PLXNB2: variants seen among roughly 807,000 people sequenced by gnomAD.
PLXNB2 encodes plexin B2, also known as plexin-B2.
In PLXNB2, 85 loss-of-function variants were observed where a neutral mutation model predicts 202.6. The observed-to-expected ratio is 0.42, with a 90% CI of 0.35 to 0.50. The LOEUF (loss-of-function observed/expected upper bound fraction) is 0.50, where lower values mean the gene tolerates loss of function less well. Ranked by LOEUF, PLXNB2 falls within the 20% of genes least tolerant of loss-of-function variation. PLXNB2 has a pLI of 0.02. For synonymous variants in PLXNB2, 1,239 were observed against 1,137.6 expected, an observed-to-expected ratio of 1.09 and a Z score of -1.79; for missense variants, 2,063 against 2,586.2, an observed-to-expected ratio of 0.80 and a Z score of 4.39.
intron 1 of PLXNB2, among the ~76,000 whole-genome samples, chr22:50,298,893 G>A (rs917963625): frequency 1.3e-5 from 2 of 152,212 alleles, no homozygotes; most frequent in African/African-American, 4.8e-5. Context: ...CAATCCACCC[G>A]CCTTGGCCTC....
chr22:50,297,219 G>C lies in PLXNB2; in HGVS notation c.-73-2441C>G, dbSNP rs367838376. Among the ~76,000 whole-genome samples the C allele has an allele frequency of 1.6e-4, 24 of 152,266 alleles. No homozygotes were observed. In the East Asian group the frequency reaches 4.6e-3, roughly 29 times the overall value. On this transcript the variant is annotated intron_variant, in intron 1 of 36. Transcript: ENST00000359337. The surrounding 1 kb of genome is among the most constrained non-coding windows in gnomAD (Gnocchi z 5.3). ...TCTTGAAGGGACGCCACACCGGCCT[G>C]TGTGCCCCATGCCCACTCCCTGCAG...
chr22:50,307,590 CGCGCTCGGCGCT>C lies in PLXNB2; in HGVS notation c.-123_-112del. The C allele has an allele frequency of 1.0e-6, 1 of 981,340 alleles. No individual in the cohort carries two copies. The highest frequency in any genetic ancestry group is 6.3e-5 in the Admixed American group (1 of 15,996). The allele number at this position is 981,340 out of a possible 1,614,324, so 60.8% of individuals were successfully genotyped here. ...CGCCAAGGCTCGATGGCGCCCGGGC[CGCGCTCGGCGCT>C]GCGCTCTGGCCCGCGCTGCTGCCAT... On this transcript the variant is annotated 5_prime_UTR_variant, in exon 1 of 37. Transcript: ENST00000359337.
In PLXNB2 at chr22:50,283,947, C is replaced by A; in HGVS notation, c.2307G>T (p.Leu769=). ...TGTAGTCGGGGTTAGCGGCCCGGCA[C>A]AGGCTGCAGTCGCTGCGGCCAAAGG... ...NCSFGRSDCS[L]CRAANPDYRC... is the part of the protein sequence containing the mutation. Residue 769 remains leucine (L), a synonymous_variant, in exon 14 of 37, where the codon CTG becomes CTT. Transcript: ENST00000359337. 6.4e-7 allele frequency: 1 copy of A among 1,559,020 alleles called. No homozygotes were observed.
At chr22:50,292,337 CAAAAAA>C (rs533891085) in intron 2 of PLXNB2, among the ~76,000 whole-genome samples, 6 of 71,024 alleles carry the variant, frequency 8.4e-5, no homozygotes, top group African/African-American at 1.7e-4. Flanking sequence ...GACTCTGTCT[CAAAAAA>C]AAAAAAAAAA....
Position 50,289,712 on chromosome 22 carries a change from C to T in PLXNB2, c.873G>A (p.Arg291=). Residue 291 remains arginine, a synonymous_variant, in exon 3 of 37, where the codon AGG becomes AGA. Transcript: ENST00000359337. This position sits in a 1 kb window ranked among gnomAD's most constrained non-coding sequence, Gnocchi z 8.0. ...AASVAAPGSG[R]VLYAVFSRDS... Reference sequence around the variant, plus strand: ...CTCTGCTGAAGACAGCATATAGCACCCTGCCAGAGCCAGGCGCAGCCACGG... The same window carrying T: ...CTCTGCTGAAGACAGCATATAGCACTCTGCCAGAGCCAGGCGCAGCCACGG... 2 of 1,611,566 alleles carry T rather than the reference C, an allele frequency of 1.2e-6. No individual in the cohort carries two copies. The highest frequency in any genetic ancestry group is 1.7e-6 in the Non-Finnish European group (2 of 1,179,924).
chr22:50,287,050 G>C lies in PLXNB2; in HGVS notation c.1762+61C>G, dbSNP rs557836809. ...CAGGGGCCAGCAGAGGCGAGAGCCC[G>C]TGTGCACAGGGCCCCGTGCGACCGA... On this transcript the variant is annotated intron_variant, in intron 8 of 36. Transcript: ENST00000359337. The C allele has an allele frequency of 7.1e-3, 10,007 of 1,415,654 alleles. 54 individuals are homozygous for C. The highest frequency in any genetic ancestry group is 0.012 in the South Asian group (798 of 68,270). The allele number at this position is 1,415,654 out of a possible 1,614,324, so 87.7% of individuals were successfully genotyped here.
At position 50,289,411 on chromosome 22, in the gene PLXNB2, C is replaced by T; in HGVS notation, c.1068+106G>A. ...CGCAAGCGCCCAGGCTGGCGAGAGC[C>T]ACGGCCACACTGCTCACGTGCACCC... On this transcript the variant is annotated intron_variant, in intron 3 of 36. Transcript: ENST00000359337. This position sits in a 1 kb window ranked among gnomAD's most constrained non-coding sequence, Gnocchi z 8.0. 1 of 1,386,044 alleles carries T rather than the reference C, an allele frequency of 7.2e-7. No individual in the cohort carries two copies. Among genetic ancestry groups the T allele is most frequent in the South Asian group, 1.5e-5 (1 of 68,450 alleles). 85.9% of individuals were successfully genotyped at this position (1,386,044 alleles called of 1,614,324 possible).
rs1415979125 is a variant in PLXNB2, at chr22:50,289,271, C to T, written c.1069-129G>A. On this transcript the variant is annotated intron_variant, in intron 3 of 36. Transcript: ENST00000359337. The surrounding 1 kb of genome is among the most constrained non-coding windows in gnomAD (Gnocchi z 8.0). The stretch of plus-strand genomic sequence containing the variant: ...CACGTCCTACACACGTCCCCGAGAA[C>T]AGAACCCACATGGCAGGGAGCCCCA... 7.2e-6 allele frequency: 7 copies of T among 975,586 alleles called. No homozygotes were observed. Among genetic ancestry groups the T allele is most frequent in the Non-Finnish European group, 2.9e-6 (2 of 679,148 alleles). 60.4% of individuals were successfully genotyped at this position (975,586 alleles called of 1,614,324 possible).
intron 1 of PLXNB2, among the ~76,000 whole-genome samples, chr22:50,298,684 C>T (rs2067450908): frequency 6.6e-6 from 1 of 152,198 alleles, no homozygotes; most frequent in East Asian, 1.9e-4. Flanking sequence ...CTCACTCTGT[C>T]ACCCAGGCTG....
At position 50,278,285 on chromosome 22, in the gene PLXNB2, G is replaced by A. The variant is rs751765896; in HGVS notation, c.4733-14C>T. 19 of 1,610,112 alleles carry A rather than the reference G, an allele frequency of 1.2e-5. No homozygotes were observed. In the South Asian group the frequency reaches 2.1e-4, roughly 18 times the overall value. On this transcript the variant is annotated splice_polypyrimidine_tract_variant and intron_variant, in intron 30 of 36. Transcript: ENST00000359337. ...GGAGGGCATGGCCTGTGGGGAGCGG[G>A]CACTGAGGGACCCCTACCCAGGTCT...
chr22:50,282,695 G>T lies in PLXNB2; in HGVS notation c.2987+16C>A. On this transcript the variant is annotated intron_variant, in intron 18 of 36. Coordinates refer to ENST00000359337, the MANE Select transcript of PLXNB2 (RefSeq NM_012401.4). ...GGTGTGGGGAGCAGAGGGGGGCGGG[G>T]GGACACCAGCCTCACCTGGCAAAGC... 1 of 1,497,752 alleles carries T rather than the reference G, an allele frequency of 6.7e-7. No individual in the cohort carries two copies. Among genetic ancestry groups the T allele is most frequent in the Non-Finnish European group, 9.0e-7 (1 of 1,114,754 alleles). The allele number at this position is 1,497,752 out of a possible 1,614,324, so 92.8% of individuals were successfully genotyped here.
At position 50,284,533 on chromosome 22, in the gene PLXNB2, T is replaced by G. The variant is rs895848102; in HGVS notation, c.2181+40A>C. ...TGACCCCCCACCCCACCCGGGGCCC[T>G]GGGGTCCAGCAGCCGAGCCGGCCTG... On this transcript the variant is annotated intron_variant, in intron 12 of 36. Transcript: ENST00000359337. This position sits in a 1 kb window ranked among gnomAD's most constrained non-coding sequence, Gnocchi z 8.0. 157 of 1,364,676 alleles carry G rather than the reference T, an allele frequency of 1.2e-4. No individual in the cohort carries two copies. The highest frequency in any genetic ancestry group is 2.1e-4 in the East Asian group (6 of 28,718). The allele number at this position is 1,364,676 out of a possible 1,614,324, so 84.5% of individuals were successfully genotyped here.
intron 1 of PLXNB2, among the ~76,000 whole-genome samples, chr22:50,299,624 G>A (rs1032878878): frequency 6.6e-6 from 1 of 152,150 alleles, no homozygotes; most frequent in Non-Finnish European, 1.5e-5. Context: ...GGGCTGGGGG[G>A]TCGGCAAGGA....
In PLXNB2 at chr22:50,281,555, C is replaced by T. The variant is rs1033013164; in HGVS notation, c.3522+11G>A. The T allele has an allele frequency of 9.9e-6, 16 of 1,609,624 alleles. No individual in the cohort carries two copies. Among genetic ancestry groups the T allele is most frequent in the Non-Finnish European group, 1.3e-5 (15 of 1,177,996 alleles). ...CGTGGGGGCACCCCCCGCCAGTCCC[C>T]GCTCACGCACAATGAACTCGGGCAG... On this transcript the variant is annotated intron_variant, in intron 21 of 36. Coordinates refer to ENST00000359337, the MANE Select transcript of PLXNB2 (RefSeq NM_012401.4).
intron 33 of PLXNB2, 79 bp downstream of exon 33, chr22:50,277,512 A>T: frequency 7.3e-7 from 1 of 1,375,422 alleles, no homozygotes; most frequent in Non-Finnish European, 9.9e-7. Flanking sequence ...CACACCCCAG[A>T]CAAGGTCCCA....
chr22:50,281,303 G>T, intron 22 of PLXNB2, 57 bp downstream of exon 22: 1 of 1,595,994 alleles, frequency 6.3e-7, no homozygotes, highest in Non-Finnish European at 8.6e-7. Flanking sequence ...GGCCAGAGGG[G>T]CCGAGGCGGG....
intron 35 of PLXNB2, among the ~76,000 whole-genome samples, chr22:50,276,173 C>T (rs1180701387): frequency 1.3e-5 from 2 of 151,732 alleles, no homozygotes; most frequent in Non-Finnish European, 2.9e-5. Flanking sequence ...TCAGTGTCTC[C>T]CTGTGTGACG....
rs1486451315 is a variant in PLXNB2 at position 50,275,386 on chromosome 22, G to A, written c.*318C>T. On this transcript the variant is annotated 3_prime_UTR_variant, in exon 37 of 37. Coordinates refer to ENST00000359337, the MANE Select transcript of PLXNB2 (RefSeq NM_012401.4). ...CGGCTGCTGGTGCGTGGGCGGAGGCGGAGGCCAGCTGCCCCCAGCGTGGCA... is the reference window on the plus strand; with the variant it reads ...CGGCTGCTGGTGCGTGGGCGGAGGCAGAGGCCAGCTGCCCCCAGCGTGGCA... The A allele has an allele frequency of 1.0e-5, 5 of 487,566 alleles. No individual in the cohort carries two copies. The highest frequency in any genetic ancestry group is 5.8e-5 in the East Asian group (1 of 17,164). 30.2% of individuals were successfully genotyped at this position (487,566 alleles called of 1,614,324 possible). A position where few individuals can be genotyped will look rare whatever the true frequency, so the allele number is the denominator to read the frequency against.
Position 50,282,004 on chromosome 22 carries a change from C to T in PLXNB2, c.3195G>A (p.Glu1065=), listed in dbSNP as rs2066028967. Residue 1065 remains glutamate, a synonymous_variant, in exon 20 of 37, where the codon GAG becomes GAA. Coordinates refer to ENST00000359337, the MANE Select transcript of PLXNB2 (RefSeq NM_012401.4). ...CGATCAGCACCGTGAGGTTGTAGGC[C>T]TCTGGCTCCTCAGGCACAGCCGGGG... The part of the protein sequence containing the change: ...FLSPAVPEEP[E]AYNLTVLIEM... 1.2e-6 allele frequency: 2 copies of T among 1,613,012 alleles called. No individual in the cohort carries two copies. Among genetic ancestry groups the T allele is most frequent in the African/African-American group, 1.3e-5 (1 of 75,046 alleles).
Sources: gnomAD v4.1 joint callset for allele counts (sites outside exome capture counted in the v4.1 genomes callset) on GRCh38, gnomAD v4.1.1 for gene constraint, Gnocchi (gnomAD v3.1) non-coding constraint, MANE v1.5 for transcripts, NCBI Gene and HGNC (gene_info 2026-07-23, HGNC 2026-07-21) for gene names.